Variants in ASIC2 observed in about 807,000 individuals in gnomAD.
The protein encoded by ASIC2 is acid sensing ion channel subunit 2.
ASIC2 carries 25 observed loss-of-function variants against 57.3 expected under a neutral mutation model. The observed-to-expected ratio is 0.44, with a 90% confidence interval of 0.32 to 0.61. The LOEUF (loss-of-function observed/expected upper bound fraction) is 0.61, where lower values mean the gene tolerates loss of function less well. Among genes scored for constraint, ASIC2 ranks in the 20% least tolerant of loss-of-function variants. ASIC2 has a pLI of 0.06. For missense variants in ASIC2, 641 were observed against 738.1 expected, an observed-to-expected ratio of 0.87 and a Z score of 1.52; for synonymous variants, 319 against 307.5, an observed-to-expected ratio of 1.04 and a Z score of -0.39.
chr17:33,333,455 T>C (rs1337191428), intron 1 of ASIC2, among the ~76,000 whole-genome samples: 3 of 152,180 alleles, frequency 2.0e-5, no homozygotes, highest in South Asian at 2.1e-4. Context: ...TGGTAAAATA[T>C]GTGAAGAAAA....
intron 1 of ASIC2, among the ~76,000 whole-genome samples, chr17:33,559,236 C>A (rs1046878672): frequency 6.6e-6 from 1 of 152,182 alleles, no homozygotes; most frequent in Non-Finnish European, 1.5e-5. Context: ...AGCTTTTATG[C>A]CTTCTCCCTG....
intron 1 of ASIC2, among the ~76,000 whole-genome samples, chr17:33,854,982 AG>A (rs1224222141): frequency 6.6e-5 from 10 of 152,200 alleles, no homozygotes; most frequent in Non-Finnish European, 4.4e-5. Flanking sequence ...GGCTCCTGCT[AG>A]GGGCCAACTG....
At chr17:34,055,048 C>T (rs1172147452) in intron 1 of ASIC2, among the ~76,000 whole-genome samples, 7 of 152,146 alleles carry the variant, frequency 4.6e-5, no homozygotes, top group African/African-American at 1.4e-4. Context: ...TTAGCTACCT[C>T]TCAGAGAGTC....
At chr17:33,860,279 G>C (rs961540802) in intron 1 of ASIC2, among the ~76,000 whole-genome samples, 3 of 152,174 alleles carry the variant, frequency 2.0e-5, no homozygotes, top group African/African-American at 4.8e-5. Context: ...AGAAGGGCAG[G>C]CTGCCTAGAA....
chr17:33,266,477 G>T (rs572311906), intron 1 of ASIC2, among the ~76,000 whole-genome samples: 1 of 152,102 alleles, frequency 6.6e-6, no homozygotes, highest in Non-Finnish European at 1.5e-5. Context: ...CCTGCATTTA[G>T]TTTAAAAAAG....
chr17:33,830,746 G>A lies in ASIC2; in HGVS notation c.555+325232C>T, dbSNP rs909583637. Among the ~76,000 whole-genome samples the A allele has an allele frequency of 2.9e-4, 44 of 151,906 alleles. 1 individual carries two copies. Among genetic ancestry groups the A allele is most frequent in the Admixed American group, 1.3e-4 (2 of 15,246 alleles). On this transcript the variant is annotated intron_variant, in intron 1 of 9. Transcript: ENST00000359872. ...TACCCTCCGACAGGTCCCGGTGTGT[G>A]ATGGTCCCCTCCCTGTGTCTATGTG...
chr17:33,673,887 G>C (rs1225125537), intron 1 of ASIC2, among the ~76,000 whole-genome samples: 1 of 149,500 alleles, frequency 6.7e-6, no homozygotes, highest in Non-Finnish European at 1.5e-5. Flanking sequence ...TAAGGTCTGT[G>C]CATCCGTGTC....
chr17:33,040,936 C>A (rs769252896), intron 3 of ASIC2, among the ~76,000 whole-genome samples: 1 of 152,148 alleles, frequency 6.6e-6, no homozygotes, highest in Non-Finnish European at 1.5e-5. Flanking sequence ...AGTGGTCCAA[C>A]CTAATCATAT....
chr17:34,095,641 A>ATATATATAATTT (rs1567818895), intron 1 of ASIC2, among the ~76,000 whole-genome samples: 2 of 136,404 alleles, frequency 1.5e-5, no homozygotes, highest in African/African-American at 5.7e-5. Context: ...TTTTATATAT[A>ATATATATAATTT]TATATATATA....
chr17:33,280,846 G>A (rs1281183079), intron 1 of ASIC2, among the ~76,000 whole-genome samples: 1 of 152,170 alleles, frequency 6.6e-6, no homozygotes, highest in Non-Finnish European at 1.5e-5. Context: ...TTAGATTTAT[G>A]GATGTGAGTT....
chr17:34,047,151 T>C (rs1166999176), intron 1 of ASIC2, among the ~76,000 whole-genome samples: 10 of 152,024 alleles, frequency 6.6e-5, no homozygotes, highest in Non-Finnish European at 1.2e-4. Flanking sequence ...ACCATGCACT[T>C]AACCATTTCT....
At chr17:33,129,540 CA>C (rs1203579351) in intron 1 of ASIC2, among the ~76,000 whole-genome samples, 4 of 152,202 alleles carry the variant, frequency 2.6e-5, no homozygotes, top group African/African-American at 9.6e-5. Context: ...AAGTGTCCAA[CA>C]ATAACCTTTC....
At chr17:34,114,259 G>C (rs1243768510) in intron 1 of ASIC2, among the ~76,000 whole-genome samples, 1 of 152,200 alleles carries the variant, frequency 6.6e-6, no homozygotes, top group East Asian at 1.9e-4. Flanking sequence ...TGCTTTAAAT[G>C]GTTGCACTTT....
intron 1 of ASIC2, chr17:34,036,935 G>A (rs1026180062): frequency 3.3e-5 from 5 of 152,366 alleles, no homozygotes; most frequent in Admixed American, 6.6e-5. Context: ...GAGACCAGAC[G>A]AAGGAGAAAG....
intron 1 of ASIC2, among the ~76,000 whole-genome samples, chr17:33,243,895 G>A (rs1908600751): frequency 6.6e-6 from 1 of 152,182 alleles, no homozygotes; most frequent in African/African-American, 2.4e-5. Context: ...AAAAGCAAGT[G>A]CTAGTTTGGC....
intron 1 of ASIC2, among the ~76,000 whole-genome samples, chr17:33,708,763 C>G (rs1050611028): frequency 6.6e-6 from 1 of 152,158 alleles, no homozygotes; most frequent in South Asian, 2.1e-4. Flanking sequence ...ATCACAATCT[C>G]CTTGGCTATC....
chr17:33,165,471 G>A lies in ASIC2; in HGVS notation c.709-53404C>T, dbSNP rs1334670107. On this transcript the variant is annotated intron_variant, in intron 1 of 9. Transcript: ENST00000225823. The stretch of plus-strand genomic sequence containing the variant: ...CTTCTAAGGGTGTGTGTGTGTGTGC[G>A]TGCATGCGTGTGTGTGTGTGTATGC... Among the ~76,000 whole-genome samples, 8 of 152,014 alleles carry A rather than the reference G, an allele frequency of 5.3e-5. No homozygotes were observed. The East Asian group carries it at 9.6e-4, about 18-fold the overall frequency.
At chr17:33,848,193 C>A (rs545060571) in intron 1 of ASIC2, among the ~76,000 whole-genome samples, 1 of 152,290 alleles carries the variant, frequency 6.6e-6, no homozygotes, top group Non-Finnish European at 1.5e-5. Flanking sequence ...GGCACTGCAG[C>A]CTTTGCCAGA....
intron 1 of ASIC2, among the ~76,000 whole-genome samples, chr17:33,647,747 T>C (rs1906790767): frequency 6.6e-6 from 1 of 152,172 alleles, no homozygotes; most frequent in Non-Finnish European, 1.5e-5. Flanking sequence ...CAAAGATAAT[T>C]GTCATTGATC....
Sources: gnomAD v4.1 joint callset for allele counts (sites outside exome capture counted in the v4.1 genomes callset) on GRCh38, gnomAD v4.1.1 for gene constraint, MANE v1.5 for transcripts, NCBI Gene and HGNC (gene_info 2026-07-23, HGNC 2026-07-21) for gene names.